The following ISLR2 variants were observed in gnomAD, a reference collection of about 807,000 sequenced individuals.
ISLR2 encodes the protein immunoglobulin superfamily containing leucine rich repeat 2.
A neutral mutation model predicts 25.5 loss-of-function variants in ISLR2; 16 were observed. That is an observed-to-expected ratio of 0.63 (90% confidence interval 0.43 to 0.95). ISLR2 has a LOEUF of 0.95. Among genes scored for constraint, ISLR2 ranks in the 40% least tolerant of loss-of-function variants. The pLI is 0.00. For missense variants in ISLR2, 883 were observed against 1,030.7 expected (o/e 0.86, Z 1.96); for synonymous variants, 508 against 486.6 (o/e 1.04, Z -0.58).
chr15:74,139,863 AGTGTGTGTGTGT>A (rs10579764), downstream of ISLR2, among the ~76,000 whole-genome samples: 1,139 of 128,100 alleles, frequency 8.9e-3, 20 homozygotes, highest in African/African-American at 0.03. Flanking sequence ...CGGCTTGAGG[AGTGTGTGTGTGT>A]GTGTGTGTGT....
Position 74,135,593 on chromosome 15 carries a change from C to T in ISLR2, c.*601C>T, listed in dbSNP as rs978176251. On this transcript the variant is annotated 3_prime_UTR_variant, in exon 3 of 3. Coordinates refer to ENST00000453268, the MANE Select transcript of ISLR2 (RefSeq NM_020851.3). ...CTCGGCTCACTGCATCTTCCGCCTC[C>T]CGGGTTCAAGCGATTCTCCTGCCTC... is the stretch of plus-strand genomic sequence containing the variant. The T allele has an allele frequency of 6.4e-6, 1 of 155,968 alleles. No homozygotes were observed. The allele number at this position is 155,968 out of a possible 1,614,324, so 9.7% of individuals were successfully genotyped here.
downstream of ISLR2, among the ~76,000 whole-genome samples, chr15:74,137,517 T>C (rs2072582497): frequency 6.6e-6 from 1 of 152,104 alleles, no homozygotes. Flanking sequence ...GAAAACACAC[T>C]GATTTCATAG....
chr15:74,126,339 G>A (rs1251917701), upstream of ISLR2: 1 of 146,938 alleles, frequency 6.8e-6, no homozygotes, highest in Non-Finnish European at 1.5e-5. Flanking sequence ...TGACCGAAAA[G>A]CATAGGTATT....
intron 2 of ISLR2, among the ~76,000 whole-genome samples, chr15:74,121,633 T>C (rs755069241): frequency 6.6e-6 from 1 of 152,126 alleles, no homozygotes; most frequent in Non-Finnish European, 1.5e-5. Context: ...TTCCAAAGTC[T>C]CACAGGAAGT....
intron 2 of ISLR2, among the ~76,000 whole-genome samples, chr15:74,118,348 G>A (rs916323489): frequency 6.6e-6 from 1 of 152,166 alleles, no homozygotes; most frequent in African/African-American, 2.4e-5. Flanking sequence ...GAGGCAGGGC[G>A]AGATCACAGG....
upstream of ISLR2, chr15:74,126,435 A>G (rs1595942275): frequency 1.4e-5 from 2 of 143,046 alleles, no homozygotes; most frequent in Non-Finnish European, 3.0e-5. Flanking sequence ...GCTCACTGCA[A>G]CCTCTGCCTC....
upstream of ISLR2, among the ~76,000 whole-genome samples, chr15:74,124,231 A>G (rs564344484): frequency 1.3e-5 from 2 of 151,546 alleles, no homozygotes; most frequent in South Asian, 2.1e-4. Flanking sequence ...TGAACATGCA[A>G]TTCCCCAATC....
chr15:74,134,027 G>T lies in ISLR2; in HGVS notation c.1273G>T (p.Val425Phe). The T allele has an allele frequency of 1.2e-6, 2 of 1,613,538 alleles. No individual in the cohort carries two copies. The highest frequency in any genetic ancestry group is 1.7e-6 in the Non-Finnish European group (2 of 1,179,794). ...GKIKGQGLAKVSILGETETEP... is the reference protein window; with the variant it reads ...GKIKGQGLAKFSILGETETEP... ...AATCAAAGGCCAAGGCCTGGCCAAG[G>T]TCAGCATTCTCGGGGAGACCGAGAC... Residue 425 changes from valine (V) to phenylalanine (F), a missense_variant, in exon 3 of 3, where the codon GTC becomes TTC. By Grantham distance (50) the Val-to-Phe change is conservative. This residue lies in a region of ISLR2 where 612 missense variants were observed against 642.8 expected (regional missense o/e 0.95). Coordinates refer to ENST00000453268, the MANE Select transcript of ISLR2 (RefSeq NM_020851.3).
At chr15:74,140,516 G>A (rs192368804), downstream of ISLR2, among the ~76,000 whole-genome samples, 1 of 152,326 alleles carries the variant, frequency 6.6e-6, no homozygotes, top group African/African-American at 2.4e-5. Flanking sequence ...GGTGTCGCCT[G>A]CAAAGAAAGG....
At chr15:74,123,817 C>G (rs1400454573), upstream of ISLR2, among the ~76,000 whole-genome samples, 5 of 152,122 alleles carry the variant, frequency 3.3e-5, no homozygotes, top group Admixed American at 3.3e-4. Context: ...CCAGCACAGG[C>G]ATTTCCAAGA....
chr15:74,135,132 C>A lies in ISLR2; in HGVS notation c.*140C>A. ...CCTTACTACTCCCCAACCTTGACTACCAGGGACTTCTATTAGGGAGTGGGC... is the reference window on the plus strand; with the variant it reads ...CCTTACTACTCCCCAACCTTGACTAACAGGGACTTCTATTAGGGAGTGGGC... On this transcript the variant is annotated 3_prime_UTR_variant, in exon 3 of 3. Transcript: ENST00000453268. The A allele has an allele frequency of 2.9e-6, 3 of 1,027,174 alleles. No homozygotes were observed. Among genetic ancestry groups the A allele is most frequent in the Non-Finnish European group, 4.2e-6 (3 of 707,144 alleles). The allele number at this position is 1,027,174 out of a possible 1,614,324, so 63.6% of individuals were successfully genotyped here. A position where few individuals can be genotyped will look rare whatever the true frequency, so the allele number is the denominator to read the frequency against.
Position 74,134,923 on chromosome 15 carries a change from G to C in ISLR2, c.2169G>C (p.Leu723=). ...CGGGCTCTGAGTACAGCGATCGGCTGCCCCTGGGCGCCGAGGCGGTCAACA... is the reference window on the plus strand; with the variant it reads ...CGGGCTCTGAGTACAGCGATCGGCTCCCCCTGGGCGCCGAGGCGGTCAACA... ...FEAGSEYSDR[L]PLGAEAVNIA... is the part of the protein sequence containing the mutation. The change falls in exon 3 of 3, where the codon CTG becomes CTC. Residue 723 remains leucine, a synonymous_variant. Transcript: ENST00000453268. 6.2e-7 allele frequency: 1 copy of C among 1,613,924 alleles called. No individual in the cohort carries two copies. The highest frequency in any genetic ancestry group is 8.5e-7 in the Non-Finnish European group (1 of 1,179,984).
In ISLR2 at chr15:74,133,721, T is replaced by G; in HGVS notation, c.967T>G (p.Trp323Gly). 6.2e-7 allele frequency: 1 copy of G among 1,609,384 alleles called. No individual in the cohort carries two copies. Residue 323 changes from tryptophan to glycine, a missense_variant, in exon 3 of 3, where the codon TGG becomes GGG. Trp to Gly is a radical substitution (Grantham distance 184). This residue lies in a region of ISLR2 where 612 missense variants were observed against 642.8 expected (regional missense o/e 0.95). Transcript: ENST00000453268. ...QAQTPTPAPA[W>G]PAPPATPRFL... ...CCAAACGCCGACTCCAGCACCCGCT[T>G]GGCCGGCGCCCCCAGCCACACCGCG...
chr15:74,111,637 G>C (rs1481245288), intron 2 of ISLR2, among the ~76,000 whole-genome samples: 10 of 151,798 alleles, frequency 6.6e-5, no homozygotes, highest in African/African-American at 1.5e-4. Flanking sequence ...CTTTGAGACA[G>C]AGTCTTGCCC....
chr15:74,128,070 G>A (rs2072323176), upstream of ISLR2: 2 of 215,270 alleles, frequency 9.3e-6, no homozygotes, highest in African/African-American at 4.8e-5. Flanking sequence ...GGCGGGATGA[G>A]GTCTTGGTTC....
chr15:74,129,926 G>T (rs1335160699), upstream of ISLR2: 1 of 152,470 alleles, frequency 6.6e-6, no homozygotes, highest in Admixed American at 6.5e-5. The surrounding 1 kb of genome is among the most constrained non-coding windows in gnomAD (Gnocchi z 4.5). Flanking sequence ...ACTGTCTGCT[G>T]CAGCTTCCGT....
In ISLR2 at chr15:74,135,684, G is replaced by T. The variant is rs2072553779; in HGVS notation, c.*692G>T. ...GACCAGCTAATTTCTTCTATTTTTA[G>T]TAGAGACGGGGTTTCACCATGTTGG... On this transcript the variant is annotated 3_prime_UTR_variant, in exon 3 of 3. Transcript: ENST00000453268. 1 of 152,996 alleles carries T rather than the reference G, an allele frequency of 6.5e-6. No homozygotes were observed. The highest frequency in any genetic ancestry group is 1.5e-5 in the Non-Finnish European group (1 of 68,116). The allele number at this position is 152,996 out of a possible 1,614,324, so 9.5% of individuals were successfully genotyped here.
intron 2 of ISLR2, among the ~76,000 whole-genome samples, chr15:74,107,432 G>A (rs2072129983): frequency 6.6e-6 from 1 of 152,186 alleles, no homozygotes; most frequent in African/African-American, 2.4e-5. Flanking sequence ...AAGAGCCTCA[G>A]GGGCTTGTGG....
At chr15:74,127,061 G>C (rs1367221483), upstream of ISLR2, 1 of 151,988 alleles carries the variant, frequency 6.6e-6, no homozygotes, top group Non-Finnish European at 1.5e-5. Context: ...TGCTATGCTG[G>C]GGATGTTTGA....
Sources: gnomAD v4.1 joint callset for allele counts (sites outside exome capture counted in the v4.1 genomes callset) on GRCh38, gnomAD v4.1.1 for gene constraint, gnomAD v4.1.1 regional missense constraint, Gnocchi (gnomAD v3.1) non-coding constraint, MANE v1.5 for transcripts, NCBI Gene and HGNC (gene_info 2026-07-23, HGNC 2026-07-21) for gene names.